DOCK4: variants seen among roughly 807,000 people sequenced by gnomAD.
DOCK4 encodes dedicator of cytokinesis protein 4.
DOCK4 carries 97 observed loss-of-function variants against 268.1 expected under a neutral mutation model. The observed-to-expected ratio is 0.36, with a 90% CI of 0.31 to 0.43. The LOEUF (loss-of-function observed/expected upper bound fraction) is 0.43. Ranked by LOEUF, DOCK4 falls within the 20% of genes least tolerant of loss-of-function variation. The pLI is 1.00. For missense variants in DOCK4, 2,145 were observed against 2,455.7 expected (o/e 0.87, Z 2.67); for synonymous variants, 954 against 887.2 (o/e 1.08, Z -1.34).
intron 12 of DOCK4, among the ~76,000 whole-genome samples, chr7:111,925,307 C>T (rs948028420): frequency 9.2e-5 from 14 of 152,090 alleles, no homozygotes; most frequent in African/African-American, 2.9e-4. Flanking sequence ...GAGGCACATC[C>T]TAGCTACACC....
chr7:112,112,629 G>A (rs1274112963), intron 1 of DOCK4, among the ~76,000 whole-genome samples: 1 of 151,824 alleles, frequency 6.6e-6, no homozygotes, highest in African/African-American at 2.4e-5. Context: ...AGGCAATAGA[G>A]GGAGACTCCA....
intron 23 of DOCK4, among the ~76,000 whole-genome samples, chr7:111,847,474 G>GT (rs67290852): frequency 3.4e-4 from 49 of 145,452 alleles, no homozygotes; most frequent in East Asian, 1.4e-3. Context: ...GGACTTGGTT[G>GT]TTTTTTTTTT....
chr7:111,840,167 T>C (rs1264886361), intron 25 of DOCK4, among the ~76,000 whole-genome samples: 1 of 152,214 alleles, frequency 6.6e-6, no homozygotes, highest in South Asian at 2.1e-4. Flanking sequence ...AGCAAGGGTA[T>C]TGGATGGCTA....
chr7:111,924,797 AAAG>A (rs1317427742), intron 12 of DOCK4, among the ~76,000 whole-genome samples: 1 of 152,184 alleles, frequency 6.6e-6, no homozygotes, highest in Admixed American at 6.5e-5. Flanking sequence ...TTAAAATCTA[AAAG>A]AAAATACGAT....
Position 111,969,397 on chromosome 7 carries a change from A to G in DOCK4, c.701+7735T>C, listed in dbSNP as rs142908895. ...GCCACCAGATATCTCCTTTGCATCTACAAAATTTACTAAAAAATAAACTCA... is the reference window on the plus strand; with the variant it reads ...GCCACCAGATATCTCCTTTGCATCTGCAAAATTTACTAAAAAATAAACTCA... On this transcript the variant is annotated intron_variant, in intron 8 of 52. Transcript: ENST00000428084. Among the ~76,000 whole-genome samples the G allele has an allele frequency of 2.8e-4, 41 of 147,530 alleles. No individual in the cohort carries two copies. In the East Asian group the frequency reaches 7.8e-3, roughly 28 times the overall value.
chr7:111,790,893 C>T (rs1359076583), intron 30 of DOCK4, among the ~76,000 whole-genome samples: 1 of 151,096 alleles, frequency 6.6e-6, no homozygotes, highest in African/African-American at 2.4e-5. Context: ...CCCATCTCTA[C>T]TAAAAATACA....
chr7:112,000,994 G>A (rs1373145025), intron 2 of DOCK4, among the ~76,000 whole-genome samples: 1 of 152,132 alleles, frequency 6.6e-6, no homozygotes, highest in African/African-American at 2.4e-5. Context: ...GCCAGACTCT[G>A]CCACCAAATA....
intron 7 of DOCK4, among the ~76,000 whole-genome samples, chr7:111,979,666 G>C (rs957226736): frequency 6.6e-6 from 1 of 152,080 alleles, no homozygotes; most frequent in African/African-American, 2.4e-5. Context: ...ATGAAGAACC[G>C]AATGACTACT....
At chr7:112,121,036 T>A (rs1343797539) in intron 1 of DOCK4, among the ~76,000 whole-genome samples, 1 of 152,200 alleles carries the variant, frequency 6.6e-6, no homozygotes, top group African/African-American at 2.4e-5. Context: ...CATCTTAGCA[T>A]AAAGGAGACA....
intron 23 of DOCK4, among the ~76,000 whole-genome samples, chr7:111,858,766 TC>T (rs1805225052): frequency 6.6e-6 from 1 of 151,976 alleles, no homozygotes. Flanking sequence ...CTCCTTTCCT[TC>T]CGTCTTTCCT....
intron 30 of DOCK4, among the ~76,000 whole-genome samples, chr7:111,799,479 A>G (rs545826908): frequency 6.6e-6 from 1 of 152,274 alleles, no homozygotes; most frequent in East Asian, 1.9e-4. Flanking sequence ...GCCAAGCTGG[A>G]AAGGGCCCTA....
At chr7:111,962,154 T>G (rs1796953928) in intron 8 of DOCK4, among the ~76,000 whole-genome samples, 1 of 152,150 alleles carries the variant, frequency 6.6e-6, no homozygotes, top group African/African-American at 2.4e-5. Flanking sequence ...CATTTTACCT[T>G]TTACTAGTAG....
At chr7:112,140,028 G>C (rs1399666110) in intron 1 of DOCK4, among the ~76,000 whole-genome samples, 2 of 152,098 alleles carry the variant, frequency 1.3e-5, no homozygotes, top group Non-Finnish European at 2.9e-5. Context: ...TGAGGAAAAA[G>C]AGACATCCCC....
At chr7:111,921,506 A>G (rs1793135516) in intron 12 of DOCK4, among the ~76,000 whole-genome samples, 1 of 152,216 alleles carries the variant, frequency 6.6e-6, no homozygotes, top group Non-Finnish European at 1.5e-5. Context: ...TTTGCCACTA[A>G]TAAACCACAT....
chr7:112,124,543 C>G (rs528695584), intron 1 of DOCK4, among the ~76,000 whole-genome samples: 2 of 152,248 alleles, frequency 1.3e-5, no homozygotes, highest in Admixed American at 6.5e-5. Flanking sequence ...CAGTGTAATA[C>G]AGGAAAGAAC....
intron 1 of DOCK4, among the ~76,000 whole-genome samples, chr7:112,055,705 C>A (rs1460944969): frequency 6.6e-6 from 1 of 152,014 alleles, no homozygotes; most frequent in South Asian, 2.1e-4. Context: ...ACCAGGAGTT[C>A]GAAACCAGCC....
chr7:111,888,834 G>C (rs981566183), intron 16 of DOCK4, among the ~76,000 whole-genome samples: 3 of 152,152 alleles, frequency 2.0e-5, no homozygotes, highest in Admixed American at 1.3e-4. Flanking sequence ...ATAGAGGATA[G>C]GGGAGCTCTT....
At chr7:112,066,714 TATATA>T in intron 1 of DOCK4, among the ~76,000 whole-genome samples, 1 of 90,554 alleles carries the variant, frequency 1.1e-5, no homozygotes, top group African/African-American at 4.3e-5. Flanking sequence ...TATATATATA[TATATA>T]TATATATATA....
Position 111,933,070 on chromosome 7 carries a change from ATATATACACATATATATACG to A in DOCK4, c.1066+2450_1066+2469del, listed in dbSNP as rs1562904220. 6.7e-4 allele frequency among the ~76,000 whole-genome samples: 97 copies of A among 145,760 alleles called. 3 individuals are homozygous for A. The highest frequency in any genetic ancestry group is 1.6e-3 in the African/African-American group (61 of 39,142). ...AGGAGAAGTGTGTATATATATACAT[ATATATACACATATATATACG>A]TATATACACATATATATACGTATAT... On this transcript the variant is annotated intron_variant, in intron 12 of 52. Transcript: ENST00000428084.
Sources: allele counts gnomAD v4.1 joint callset (sites outside exome capture counted in the v4.1 genomes callset), GRCh38; gene constraint gnomAD v4.1.1; transcripts MANE v1.5; gene names NCBI Gene and HGNC (gene_info 2026-07-23, HGNC 2026-07-21).